The following PRKG2 variants were observed in gnomAD, a reference collection of about 807,000 sequenced individuals.
The protein encoded by PRKG2 is protein kinase cGMP-dependent 2, also known as cGMP-dependent protein kinase 2.
PRKG2 carries 33 observed loss-of-function variants against 97.2 expected under a neutral mutation model. The ratio of observed to expected loss-of-function variants is 0.34; its 90% CI spans 0.26 to 0.45. The LOEUF (loss-of-function observed/expected upper bound fraction) is 0.45. Among genes scored for constraint, PRKG2 ranks in the 20% least tolerant of loss-of-function variants. The pLI is 1.00. For missense variants in PRKG2, 638 were observed against 900.0 expected (o/e 0.71, Z 3.73); for synonymous variants, 330 against 321.8 (o/e 1.03, Z -0.27).
chr4:81,143,961 T>C (rs1483274238), intron 10 of PRKG2, among the ~76,000 whole-genome samples: 1 of 152,174 alleles, frequency 6.6e-6, no homozygotes, highest in Non-Finnish European at 1.5e-5. Flanking sequence ...ACATAAAATA[T>C]CCCTTTTGTA....
chr4:81,119,381 T>C (rs762023272), intron 14 of PRKG2, among the ~76,000 whole-genome samples: 1 of 152,244 alleles, frequency 6.6e-6, no homozygotes, highest in African/African-American at 2.4e-5. Context: ...CTTTGCTCCA[T>C]GTATTGCTTT....
intron 5 of PRKG2, among the ~76,000 whole-genome samples, chr4:81,168,351 A>G (rs920323496): frequency 6.6e-6 from 1 of 152,142 alleles, no homozygotes; most frequent in Non-Finnish European, 1.5e-5. Context: ...GCTAATAAGT[A>G]TTAGTTGAAT....
intron 10 of PRKG2, among the ~76,000 whole-genome samples, chr4:81,143,927 C>G (rs560244418): frequency 6.6e-6 from 1 of 152,108 alleles, no homozygotes; most frequent in Non-Finnish European, 1.5e-5. Flanking sequence ...ATATTAATGT[C>G]TTTTTGAGCT....
At chr4:81,157,609 C>T (rs1342070853) in intron 6 of PRKG2, among the ~76,000 whole-genome samples, 34 of 152,202 alleles carry the variant, frequency 2.2e-4, no homozygotes, top group African/African-American at 5.5e-4. Context: ...ATACCAAAGC[C>T]GGGCAGAGAC....
intron 14 of PRKG2, among the ~76,000 whole-genome samples, chr4:81,115,465 A>G (rs1399641683): frequency 2.6e-5 from 4 of 152,166 alleles, no homozygotes; most frequent in Admixed American, 6.5e-5. Flanking sequence ...GTTACTCTAC[A>G]TAAGTTTTAG....
intron 14 of PRKG2, among the ~76,000 whole-genome samples, chr4:81,134,704 G>A (rs1346425191): frequency 1.3e-5 from 2 of 152,086 alleles, no homozygotes; most frequent in Non-Finnish European, 2.9e-5. Flanking sequence ...TGGGGCCCCA[G>A]TATCATCACC....
chr4:81,159,757 C>T (rs1560591429), intron 6 of PRKG2, among the ~76,000 whole-genome samples: 1 of 151,728 alleles, frequency 6.6e-6, no homozygotes, highest in Non-Finnish European at 1.5e-5. Context: ...GGCACATATA[C>T]ACCATGGAAT....
At chr4:81,103,556 C>T (rs1743028324) in intron 17 of PRKG2, among the ~76,000 whole-genome samples, 1 of 151,916 alleles carries the variant, frequency 6.6e-6, no homozygotes, top group East Asian at 1.9e-4. Context: ...ATTAATTAAA[C>T]CTGAAATAGA....
intron 2 of PRKG2, among the ~76,000 whole-genome samples, chr4:81,194,561 T>TTACAA (rs1190547108): frequency 2.6e-5 from 4 of 152,206 alleles, no homozygotes. Context: ...GTAATTTAAT[T>TTACAA]CTGTTGGCTG....
rs142227294 is a variant in PRKG2 at position 81,200,593 on chromosome 4, C to T, written c.461+3994G>A. Among the ~76,000 whole-genome samples, 1,012 of 152,196 alleles carry T rather than the reference C, an allele frequency of 6.6e-3. 13 individuals are homozygous for T. Among genetic ancestry groups the T allele is most frequent in the African/African-American group, 0.023 (939 of 41,514 alleles). The stretch of plus-strand genomic sequence containing the variant: ...TACAACACTAGAGTAGGACTTAAGA[C>T]GAAAAGAACTGATCCTGATTTCAAG... On this transcript the variant is annotated intron_variant, in intron 2 of 18. Coordinates refer to ENST00000264399, the MANE Select transcript of PRKG2 (RefSeq NM_006259.3).
At chr4:81,148,856 C>A in intron 9 of PRKG2, 28 bp downstream of exon 9, 1 of 1,606,422 alleles carries the variant, frequency 6.2e-7, no homozygotes, top group Non-Finnish European at 8.5e-7. Context: ...TGGCAGTGGC[C>A]TGCCTCCTCC....
intron 17 of PRKG2, among the ~76,000 whole-genome samples, chr4:81,099,655 G>T (rs974906861): frequency 6.6e-6 from 1 of 152,102 alleles, no homozygotes; most frequent in Non-Finnish European, 1.5e-5. Flanking sequence ...ACTGGCACAA[G>T]ACAGGGATGC....
intron 17 of PRKG2, 21 bp from the exon 18 acceptor site, chr4:81,092,473 G>A (rs1741656857): frequency 1.6e-6 from 1 of 632,836 alleles, no homozygotes; most frequent in Non-Finnish European, 2.7e-6. Flanking sequence ...AGAAAGGAAG[G>A]AAGGAAGGAA....
At position 81,088,841 on chromosome 4, in the gene PRKG2, A is replaced by C. The variant is rs1355583500; in HGVS notation, c.*867T>G. ...TTTCAAAGAGTCAGCAGTCTTACCT[A>C]CTAGAATATATTTTCCTTTCTATTT... On this transcript the variant is annotated 3_prime_UTR_variant, in exon 19 of 19. Transcript: ENST00000264399. The C allele has an allele frequency of 6.6e-6, 1 of 152,202 alleles. No individual in the cohort carries two copies. The highest frequency in any genetic ancestry group is 6.5e-5 in the Admixed American group (1 of 15,286). The allele number at this position is 152,202 out of a possible 1,614,324, so 9.4% of individuals were successfully genotyped here.
chr4:81,123,641 T>C (rs1292100467), intron 14 of PRKG2, among the ~76,000 whole-genome samples: 2 of 152,136 alleles, frequency 1.3e-5, no homozygotes, highest in Non-Finnish European at 2.9e-5. Context: ...CCTGACCTCA[T>C]GATCCGCTCG....
intron 2 of PRKG2, among the ~76,000 whole-genome samples, chr4:81,181,480 G>A (rs1420291542): frequency 6.6e-6 from 1 of 151,182 alleles, no homozygotes; most frequent in Non-Finnish European, 1.5e-5. Flanking sequence ...ACTAGAAAAA[G>A]TAAGTTGAAC....
chr4:81,160,325 T>G (rs1749506231), intron 6 of PRKG2, among the ~76,000 whole-genome samples: 1 of 152,178 alleles, frequency 6.6e-6, no homozygotes, highest in African/African-American at 2.4e-5. Context: ...GACTTTTGCT[T>G]TATTATCTGC....
At chr4:81,093,360 A>AACACACACACACACACACAC (rs60004845) in intron 17 of PRKG2, among the ~76,000 whole-genome samples, 3 of 116,382 alleles carry the variant, frequency 2.6e-5, no homozygotes, top group East Asian at 2.5e-4. Context: ...CTCCCCCACC[A>AACACACACACACACACACAC]ACACACACAC....
At chr4:81,125,352 GC>G (rs1745450594) in intron 14 of PRKG2, among the ~76,000 whole-genome samples, 1 of 152,136 alleles carries the variant, frequency 6.6e-6, no homozygotes, top group African/African-American at 2.4e-5. Flanking sequence ...ATTTATGTCT[GC>G]CACCTGTTCC....
Sources: gnomAD v4.1 joint callset for allele counts (sites outside exome capture counted in the v4.1 genomes callset) on GRCh38, gnomAD v4.1.1 for gene constraint, MANE v1.5 for transcripts, NCBI Gene and HGNC (gene_info 2026-07-23, HGNC 2026-07-21) for gene names.